NCMAP: variants seen among roughly 807,000 people sequenced by gnomAD.
NCMAP encodes the protein non-compact myelin associated protein, also known as noncompact myelin-associated protein.
In NCMAP, 8 loss-of-function variants were observed where a neutral mutation model predicts 7.8. That is an observed-to-expected ratio of 1.02 (90% confidence interval 0.60 to 1.84). The LOEUF (loss-of-function observed/expected upper bound fraction) is 1.84, where lower values mean the gene tolerates loss of function less well. Among genes scored for constraint, NCMAP ranks in the 40% most tolerant of loss-of-function variants. The pLI is 0.00. For synonymous variants in NCMAP, 41 were observed against 52.9 expected (o/e 0.78, Z 0.98); for missense variants, 112 against 131.4 (o/e 0.85, Z 0.72).
chr1:24,594,926 A>G (rs1311866756), intron 1 of NCMAP, among the ~76,000 whole-genome samples: 3 of 152,110 alleles, frequency 2.0e-5, no homozygotes, highest in Admixed American at 6.5e-5. Flanking sequence ...TTAATTTTTC[A>G]TCTGTTTATT....
chr1:24,578,206 A>G (rs1025600828), intron 1 of NCMAP, among the ~76,000 whole-genome samples: 3 of 150,970 alleles, frequency 2.0e-5, no homozygotes, highest in African/African-American at 7.3e-5. Flanking sequence ...CAGTGAGCCA[A>G]GATCATGCCA....
chr1:24,600,480 G>T (rs779862557), intron 2 of NCMAP, among the ~76,000 whole-genome samples: 1 of 152,184 alleles, frequency 6.6e-6, no homozygotes, highest in Admixed American at 6.5e-5. Flanking sequence ...GCATCAACAC[G>T]ATCACATTGG....
chr1:24,580,706 G>A lies in NCMAP; in HGVS notation c.-7-14718G>A, dbSNP rs146535951. ...ACCCCTGACCTCAGGTGATCCGCCC[G>A]TCTCAGCCTCCCAAAGTGCTGGAAT... On this transcript the variant is annotated intron_variant, in intron 1 of 3. Transcript: ENST00000374392. Among the ~76,000 whole-genome samples, 6 of 152,298 alleles carry A rather than the reference G, an allele frequency of 3.9e-5. No individual in the cohort carries two copies. The East Asian group carries it at 5.8e-4, about 15-fold the overall frequency.
At chr1:24,589,812 C>A (rs976151216) in intron 1 of NCMAP, among the ~76,000 whole-genome samples, 1 of 152,132 alleles carries the variant, frequency 6.6e-6, no homozygotes, top group Non-Finnish European at 1.5e-5. Flanking sequence ...GGATAGTTAG[C>A]TTTATGTTTT....
chr1:24,561,325 T>A (rs1651043815), intron 1 of NCMAP, among the ~76,000 whole-genome samples: 2 of 151,688 alleles, frequency 1.3e-5, no homozygotes, highest in African/African-American at 4.8e-5. Context: ...CCAGCCTGGG[T>A]GACAAGAGTG....
intron 1 of NCMAP, among the ~76,000 whole-genome samples, chr1:24,578,173 G>A (rs1159068623): frequency 2.0e-5 from 3 of 149,322 alleles, no homozygotes; most frequent in South Asian, 4.2e-4. Flanking sequence ...GCTGAGGCAC[G>A]AGAACCTGGG....
intron 3 of NCMAP, 22 bp from the exon 4 acceptor site, chr1:24,605,584 T>G (rs774185030): frequency 1.2e-5 from 19 of 1,613,200 alleles, no homozygotes; most frequent in Non-Finnish European, 1.4e-5. Context: ...GACTCAACCA[T>G]GTGCACATTA....
chr1:24,584,760 G>T (rs534554483), intron 1 of NCMAP, among the ~76,000 whole-genome samples: 1 of 151,706 alleles, frequency 6.6e-6, no homozygotes, highest in Non-Finnish European at 1.5e-5. Flanking sequence ...TCATTCTTTC[G>T]GTCTGAGTTC....
intron 1 of NCMAP, among the ~76,000 whole-genome samples, chr1:24,579,618 T>C (rs907438204): frequency 1.3e-5 from 2 of 152,166 alleles, no homozygotes; most frequent in Non-Finnish European, 2.9e-5. Flanking sequence ...TGCACACCTG[T>C]AGTCCCAGCT....
chr1:24,593,249 C>G (rs1652104144), intron 1 of NCMAP, among the ~76,000 whole-genome samples: 1 of 151,398 alleles, frequency 6.6e-6, no homozygotes, highest in Non-Finnish European at 1.5e-5. Context: ...TTTGGGAGAC[C>G]AAGGTGGGAG....
intron 1 of NCMAP, among the ~76,000 whole-genome samples, chr1:24,590,756 C>A (rs577397292): frequency 2.0e-5 from 3 of 152,284 alleles, no homozygotes; most frequent in Admixed American, 1.3e-4. Flanking sequence ...TACAGGCACA[C>A]ACCACCACCA....
chr1:24,603,553 T>C (rs1055225613), intron 3 of NCMAP, among the ~76,000 whole-genome samples: 11 of 152,118 alleles, frequency 7.2e-5, no homozygotes, highest in African/African-American at 2.7e-4. Flanking sequence ...AGCTGGGAAG[T>C]GAGAAACCTG....
At chr1:24,570,140 C>G (rs1178726250) in intron 1 of NCMAP, among the ~76,000 whole-genome samples, 5 of 147,120 alleles carry the variant, frequency 3.4e-5, no homozygotes, top group African/African-American at 7.9e-5. Flanking sequence ...GAGACGGGGT[C>G]CCCCTGTGTT....
intron 2 of NCMAP, among the ~76,000 whole-genome samples, chr1:24,596,955 C>G (rs1652250673): frequency 6.6e-6 from 1 of 152,112 alleles, no homozygotes; most frequent in Non-Finnish European, 1.5e-5. Context: ...GACAGACTTC[C>G]CTACACACAG....
intron 1 of NCMAP, among the ~76,000 whole-genome samples, chr1:24,561,721 G>A (rs777649346): frequency 6.6e-6 from 1 of 152,188 alleles, no homozygotes; most frequent in Non-Finnish European, 1.5e-5. Flanking sequence ...GGCCAGCCTG[G>A]CCAACATAGT....
chr1:24,580,744 C>T (rs566820362), intron 1 of NCMAP, among the ~76,000 whole-genome samples: 5 of 152,356 alleles, frequency 3.3e-5, no homozygotes, highest in African/African-American at 4.8e-5. Flanking sequence ...CAGGCGTGAG[C>T]CACTGCGCCC....
At chr1:24,597,647 G>GAA (rs1414348472) in intron 2 of NCMAP, among the ~76,000 whole-genome samples, 1 of 131,058 alleles carries the variant, frequency 7.6e-6, no homozygotes, top group African/African-American at 3.0e-5. Context: ...AAGAAAGAAA[G>GAA]AAAGAAAGAA....
intron 1 of NCMAP, among the ~76,000 whole-genome samples, chr1:24,577,424 T>G (rs1651616298): frequency 6.9e-6 from 1 of 145,424 alleles, no homozygotes; most frequent in African/African-American, 2.5e-5. Context: ...TTTTTTTTTT[T>G]TTTTTTTGGT....
Position 24,569,257 on chromosome 1 carries a change from G to C in NCMAP, c.-8+13088G>C, listed in dbSNP as rs190268112. On this transcript the variant is annotated intron_variant, in intron 1 of 3. Transcript: ENST00000374392. ...GACCCACCTGCCTCAGCCTCCCAAAGTGCTGGGATTACAGGCATGAGCCAC... is the reference window on the plus strand; with the variant it reads ...GACCCACCTGCCTCAGCCTCCCAAACTGCTGGGATTACAGGCATGAGCCAC... Among the ~76,000 whole-genome samples, 4 of 152,060 alleles carry C rather than the reference G, an allele frequency of 2.6e-5. No individual in the cohort carries two copies. The South Asian group carries it at 8.3e-4, about 32-fold the overall frequency.
Sources: gnomAD v4.1 joint callset for allele counts (sites outside exome capture counted in the v4.1 genomes callset) on GRCh38, gnomAD v4.1.1 for gene constraint, MANE v1.5 for transcripts, NCBI Gene and HGNC (gene_info 2026-07-23, HGNC 2026-07-21) for gene names.